Variants in LRP1B observed in about 807,000 individuals in gnomAD.
LRP1B encodes the protein low-density lipoprotein receptor-related protein 1B.
Under a neutral mutation model 556.6 loss-of-function variants are expected in LRP1B, and 217 were observed. The observed-to-expected ratio is 0.39, with a 90% CI of 0.35 to 0.44. LRP1B has a LOEUF of 0.44. Ranked by LOEUF, LRP1B falls within the 20% of genes least tolerant of loss-of-function variation. The pLI is 1.00. For synonymous variants in LRP1B, 2,047 were observed against 1,865.8 expected, an observed-to-expected ratio of 1.10 and a Z score of -2.50; for missense variants, 5,053 against 5,620.8, an observed-to-expected ratio of 0.90 and a Z score of 3.23.
chr2:142,101,144 G>T (rs184407219), intron 1 of LRP1B, among the ~76,000 whole-genome samples: 12 of 152,102 alleles, frequency 7.9e-5, no homozygotes, highest in Non-Finnish European at 1.8e-4. Flanking sequence ...AGGAATAAAG[G>T]ATCAACTGTA....
chr2:141,974,420 C>A (rs1236939844), intron 1 of LRP1B, among the ~76,000 whole-genome samples: 3 of 151,934 alleles, frequency 2.0e-5, no homozygotes, highest in Non-Finnish European at 4.4e-5. Flanking sequence ...AGGTTTTCTG[C>A]TGTGAATAAT....
At chr2:141,061,301 T>C (rs948259978) in intron 8 of LRP1B, among the ~76,000 whole-genome samples, 6 of 151,794 alleles carry the variant, frequency 4.0e-5, no homozygotes, top group African/African-American at 1.4e-4. Context: ...TCACAGAATG[T>C]ACCTGTCTTG....
intron 25 of LRP1B, among the ~76,000 whole-genome samples, chr2:140,880,459 T>C (rs1450994816): frequency 6.6e-6 from 1 of 152,076 alleles, no homozygotes; most frequent in African/African-American, 2.4e-5. Context: ...CTTGGAATAG[T>C]TTGTCACCTG....
chr2:141,536,942 A>G (rs1685088045), intron 2 of LRP1B, among the ~76,000 whole-genome samples: 1 of 151,968 alleles, frequency 6.6e-6, no homozygotes, highest in African/African-American at 2.4e-5. Flanking sequence ...CTTCTCACCA[A>G]TTCTCCCCAT....
At chr2:141,207,228 G>A (rs570989444) in intron 6 of LRP1B, among the ~76,000 whole-genome samples, 1 of 152,182 alleles carries the variant, frequency 6.6e-6, no homozygotes, top group South Asian at 2.1e-4. Flanking sequence ...TCTGTTCCTT[G>A]TACACAACCT....
chr2:141,370,021 C>A (rs1264750115), intron 3 of LRP1B, among the ~76,000 whole-genome samples: 1 of 152,124 alleles, frequency 6.6e-6, no homozygotes, highest in African/African-American at 2.4e-5. Context: ...CATATGCCAC[C>A]TTTTCTTTAT....
intron 3 of LRP1B, among the ~76,000 whole-genome samples, chr2:141,468,323 T>G (rs1298389335): frequency 1.3e-5 from 2 of 152,124 alleles, no homozygotes; most frequent in African/African-American, 2.4e-5. Context: ...TACACTGGTT[T>G]TGAAAATGGG....
chr2:141,603,405 A>G (rs1687817663), intron 2 of LRP1B, among the ~76,000 whole-genome samples: 1 of 152,152 alleles, frequency 6.6e-6, no homozygotes, highest in Admixed American at 6.5e-5. Context: ...TTTCTACATG[A>G]AAAGTGCTTG....
intron 2 of LRP1B, among the ~76,000 whole-genome samples, chr2:141,665,470 C>T (rs925909407): frequency 3.9e-5 from 6 of 152,100 alleles, no homozygotes; most frequent in African/African-American, 9.7e-5. Context: ...AACACTTTTA[C>T]ACTGTTGGGA....
intron 7 of LRP1B, among the ~76,000 whole-genome samples, chr2:141,097,007 C>T (rs1391934633): frequency 1.3e-5 from 2 of 152,226 alleles, no homozygotes; most frequent in East Asian, 3.9e-4. Context: ...CCTTGCTAGT[C>T]GCTTTTTGAG....
At chr2:141,863,742 T>G (rs567676314) in intron 1 of LRP1B, among the ~76,000 whole-genome samples, 1 of 152,176 alleles carries the variant, frequency 6.6e-6, no homozygotes, top group African/African-American at 2.4e-5. Flanking sequence ...TTTGAAGTAA[T>G]TGCTACTTGT....
intron 66 of LRP1B, among the ~76,000 whole-genome samples, chr2:140,388,218 T>C: frequency 6.6e-6 from 1 of 152,166 alleles, no homozygotes; most frequent in East Asian, 1.9e-4. Context: ...ATTACAGGCG[T>C]GAGCCACCAT....
chr2:140,716,563 C>T, intron 36 of LRP1B, 119 bp downstream of exon 36: 1 of 988,652 alleles, frequency 1.0e-6, no homozygotes, highest in Non-Finnish European at 1.5e-6. Flanking sequence ...CTATTTACCC[C>T]TGTGGCTAGA....
At chr2:141,570,653 C>G (rs1193387133) in intron 2 of LRP1B, among the ~76,000 whole-genome samples, 1 of 151,180 alleles carries the variant, frequency 6.6e-6, no homozygotes, top group Non-Finnish European at 1.5e-5. Context: ...ACAAGCTAAG[C>G]TCCCCGGTTG....
intron 66 of LRP1B, among the ~76,000 whole-genome samples, chr2:140,410,581 T>C (rs2105246226): frequency 6.6e-6 from 1 of 152,272 alleles, no homozygotes; most frequent in African/African-American, 2.4e-5. Flanking sequence ...CTGAATTTAA[T>C]ATGAGAATTC....
At chr2:141,215,627 T>C (rs1211947248) in intron 6 of LRP1B, among the ~76,000 whole-genome samples, 3 of 152,184 alleles carry the variant, frequency 2.0e-5, no homozygotes. Flanking sequence ...AATGAACTTA[T>C]TGGGAACTGG....
At chr2:140,971,034 G>A (rs572598630) in intron 18 of LRP1B, among the ~76,000 whole-genome samples, 19 of 152,198 alleles carry the variant, frequency 1.2e-4, no homozygotes, top group African/African-American at 2.2e-4. Flanking sequence ...ATGAGCCACC[G>A]TGCTCAGCCT....
chr2:141,189,444 T>C (rs188077900), intron 6 of LRP1B, among the ~76,000 whole-genome samples: 4 of 152,158 alleles, frequency 2.6e-5, no homozygotes, highest in Admixed American at 2.6e-4. Flanking sequence ...CAATAACTTA[T>C]GTTACTTTAA....
intron 2 of LRP1B, among the ~76,000 whole-genome samples, chr2:141,807,412 T>A (rs931329174): frequency 1.3e-5 from 2 of 152,062 alleles, no homozygotes; most frequent in Non-Finnish European, 2.9e-5. Flanking sequence ...TTCTCTGTCT[T>A]TGTTATGTGG....
Sources: gnomAD v4.1 joint callset for allele counts (sites outside exome capture counted in the v4.1 genomes callset) on GRCh38, gnomAD v4.1.1 for gene constraint, MANE v1.5 for transcripts, NCBI Gene and HGNC (gene_info 2026-07-23, HGNC 2026-07-21) for gene names.